The following SLC24A2 variants were observed in gnomAD, a reference collection of about 807,000 sequenced individuals.
SLC24A2 encodes the protein solute carrier family 24 member 2, also known as sodium/potassium/calcium exchanger 2.
A neutral mutation model predicts 62.0 loss-of-function variants in SLC24A2; 36 were observed. The observed-to-expected ratio is 0.58, with a 90% CI of 0.44 to 0.77. The LOEUF is 0.77. Among genes scored for constraint, SLC24A2 ranks in the 30% least tolerant of loss-of-function variants. SLC24A2 has a pLI of 0.00. For synonymous variants in SLC24A2, 358 were observed against 294.0 expected (o/e 1.22, Z -2.23); for missense variants, 846 against 817.9 (o/e 1.03, Z -0.42).
In SLC24A2 at chr9:19,743,196, C is replaced by G. The variant is rs1821730809; in HGVS notation, c.930+42741G>C. Reference sequence around the variant, plus strand: ...TCTGCATCACATCAGCATTAGAAGACTGAGCTAAGAAAGTAGTTACGGCTG... The same window carrying G: ...TCTGCATCACATCAGCATTAGAAGAGTGAGCTAAGAAAGTAGTTACGGCTG... On this transcript the variant is annotated intron_variant, in intron 2 of 10. Coordinates refer to ENST00000341998, the MANE Select transcript of SLC24A2 (RefSeq NM_020344.4). Among the ~76,000 whole-genome samples the G allele has an allele frequency of 2.6e-5, 4 of 152,154 alleles. No individual in the cohort carries two copies. In the South Asian group the frequency reaches 8.3e-4, roughly 31 times the overall value.
At chr9:20,286,680 C>T in the SLC24A2 span, among the ~76,000 whole-genome samples, 40,240 of 151,982 alleles carry the variant, frequency 0.26, 5,358 homozygotes, top group South Asian at 0.37. Flanking sequence ...TCCCCTTGCA[C>T]GGATGAGTAT....
At chr9:20,041,724 G>T in the SLC24A2 span, among the ~76,000 whole-genome samples, 5 of 152,244 alleles carry the variant, frequency 3.3e-5, no homozygotes, top group African/African-American at 9.6e-5. Flanking sequence ...GATGGGCAGG[G>T]CTCAAAAACA....
chr9:19,909,378 T>C, the SLC24A2 span, among the ~76,000 whole-genome samples: 1 of 152,204 alleles, frequency 6.6e-6, no homozygotes, highest in South Asian at 2.1e-4. Flanking sequence ...ATATACCTAA[T>C]GTAAATGACG....
intron 4 of SLC24A2, among the ~76,000 whole-genome samples, chr9:19,610,487 G>A (rs1224672817): frequency 6.6e-6 from 1 of 152,160 alleles, no homozygotes; most frequent in African/African-American, 2.4e-5. Flanking sequence ...AAAATGAAAG[G>A]AAACGAGAGA....
the SLC24A2 span, among the ~76,000 whole-genome samples, chr9:20,305,877 G>T: frequency 1.3e-5 from 2 of 152,268 alleles, no homozygotes; most frequent in South Asian, 2.1e-4. Context: ...GGGTCAAGTT[G>T]TGGGCAGGGT....
At chr9:19,990,821 C>G in the SLC24A2 span, among the ~76,000 whole-genome samples, 1 of 144,698 alleles carries the variant, frequency 6.9e-6, no homozygotes, top group Admixed American at 6.9e-5. Flanking sequence ...TGCTACCTGC[C>G]TATTGTTACC....
chr9:19,963,141 G>A, the SLC24A2 span, among the ~76,000 whole-genome samples: 32,117 of 143,492 alleles, frequency 0.22, 4,440 homozygotes, highest in Admixed American at 0.35. Context: ...TTAATAAATG[G>A]TGCTGGGAAA....
At chr9:19,672,227 T>C (rs1376348987) in intron 2 of SLC24A2, among the ~76,000 whole-genome samples, 2 of 146,594 alleles carry the variant, frequency 1.4e-5, no homozygotes, top group Non-Finnish European at 3.0e-5. Flanking sequence ...CTGTTTGTTA[T>C]TGGTCTGGTT....
At chr9:19,545,661 CAG>C (rs1475606390) in intron 8 of SLC24A2, among the ~76,000 whole-genome samples, 2 of 149,824 alleles carry the variant, frequency 1.3e-5, no homozygotes, top group African/African-American at 2.5e-5. Flanking sequence ...TTTTTTGTGA[CAG>C]AGTCTCATTC....
At chr9:19,752,618 A>T (rs1822019227) in intron 2 of SLC24A2, among the ~76,000 whole-genome samples, 1 of 152,134 alleles carries the variant, frequency 6.6e-6, no homozygotes, top group South Asian at 2.1e-4. Context: ...ATATAAATAG[A>T]CTTAATAAAA....
At chr9:19,736,425 T>A (rs1193568907) in intron 2 of SLC24A2, among the ~76,000 whole-genome samples, 1 of 152,162 alleles carries the variant, frequency 6.6e-6, no homozygotes, top group Admixed American at 6.5e-5. Context: ...ACATTTTGAA[T>A]ATAAGAGCTT....
the SLC24A2 span, among the ~76,000 whole-genome samples, chr9:19,831,313 C>T: frequency 6.6e-6 from 1 of 152,198 alleles, no homozygotes; most frequent in Admixed American, 6.5e-5. Flanking sequence ...TCAAGACCTT[C>T]TTGTGTTTTT....
chr9:19,988,129 G>GT, the SLC24A2 span, among the ~76,000 whole-genome samples: 12 of 152,208 alleles, frequency 7.9e-5, no homozygotes, highest in South Asian at 1.7e-3. Context: ...GGAATTTAGG[G>GT]TTTTTTTCCT....
At chr9:19,863,821 A>C in the SLC24A2 span, among the ~76,000 whole-genome samples, 1 of 151,896 alleles carries the variant, frequency 6.6e-6, no homozygotes, top group Non-Finnish European at 1.5e-5. Flanking sequence ...AAATTAGTAG[A>C]ATAAAAGAAA....
rs1832549897 is a variant in SLC24A2, at chr9:19,507,663, T to C, written c.*8490A>G. The C allele has an allele frequency of 6.6e-6, 1 of 152,226 alleles. No individual in the cohort carries two copies. Among genetic ancestry groups the C allele is most frequent in the Non-Finnish European group, 1.5e-5 (1 of 68,042 alleles). 9.4% of individuals were successfully genotyped at this position (152,226 alleles called of 1,614,324 possible). A position where few individuals can be genotyped will look rare whatever the true frequency, so the allele number is the denominator to read the frequency against. ...ATGTACAAATAAGTAGAGCTTCCTG[T>C]CTATGTACAGACATATTCACAGAGA... On this transcript the variant is annotated 3_prime_UTR_variant, in exon 11 of 11. Transcript: ENST00000341998.
chr9:19,541,158 C>T (rs1834232533), intron 8 of SLC24A2, among the ~76,000 whole-genome samples: 1 of 107,954 alleles, frequency 9.3e-6, no homozygotes, highest in Non-Finnish European at 1.9e-5. Context: ...TGAATGTCCT[C>T]CCGTAGCTCA....
chr9:19,635,208 G>A (rs1818280560), intron 2 of SLC24A2, among the ~76,000 whole-genome samples: 1 of 152,172 alleles, frequency 6.6e-6, no homozygotes, highest in Non-Finnish European at 1.5e-5. Flanking sequence ...CAACTTCTTG[G>A]CCTAATGTTC....
chr9:20,270,639 C>T, the SLC24A2 span, among the ~76,000 whole-genome samples: 1 of 152,156 alleles, frequency 6.6e-6, no homozygotes, highest in Admixed American at 6.5e-5. Flanking sequence ...AGATCTTTCC[C>T]AGCCCAAAGG....
chr9:19,598,133 A>G (rs1836751841), intron 4 of SLC24A2, among the ~76,000 whole-genome samples: 1 of 152,230 alleles, frequency 6.6e-6, no homozygotes, highest in South Asian at 2.1e-4. Context: ...GTTTTAAAAT[A>G]GCAACTTTTA....
Sources: allele counts gnomAD v4.1 joint callset (sites outside exome capture counted in the v4.1 genomes callset), GRCh38; gene constraint gnomAD v4.1.1; transcripts MANE v1.5; gene names NCBI Gene and HGNC (gene_info 2026-07-23, HGNC 2026-07-21).